XRN2: variants seen among roughly 807,000 people sequenced by gnomAD.
XRN2 encodes the protein DHM1-like protein.
XRN2 carries 44 observed loss-of-function variants against 138.5 expected under a neutral mutation model. The ratio of observed to expected loss-of-function variants is 0.32; its 90% confidence interval spans 0.25 to 0.41. The LOEUF is 0.41. XRN2 is among the 10% of genes least tolerant of loss of function. XRN2 has a pLI of 1.00. For missense variants in XRN2, 937 were observed against 1,169.3 expected (o/e 0.80, Z 2.90); for synonymous variants, 354 against 369.4 (o/e 0.96, Z 0.48).
At position 21,355,177 on chromosome 20, in the gene XRN2, C is replaced by T. The variant is rs575770923; in HGVS notation, c.2020+305C>T. Reference sequence around the variant, plus strand: ...CATGCACACACGAAAGTATCTTTTGCCTGTTGGGAAGATATTATTCATTTT... The same window carrying T: ...CATGCACACACGAAAGTATCTTTTGTCTGTTGGGAAGATATTATTCATTTT... On this transcript the variant is annotated intron_variant, in intron 21 of 29. Transcript: ENST00000377191. Among the ~76,000 whole-genome samples, 197 of 152,240 alleles carry T rather than the reference C, an allele frequency of 1.3e-3. 1 individual carries two copies. The highest frequency in any genetic ancestry group is 2.3e-3 in the Non-Finnish European group (157 of 67,996).
chr20:21,350,253 G>A (rs1373589096), intron 20 of XRN2, among the ~76,000 whole-genome samples: 2 of 152,014 alleles, frequency 1.3e-5, no homozygotes, highest in South Asian at 2.1e-4. Flanking sequence ...TTGGCCGGGC[G>A]CAGTGGCTCG....
rs140140872 is a variant in XRN2 at position 21,359,253 on chromosome 20, C to T, written c.2255+1461C>T. On this transcript the variant is annotated intron_variant, in intron 24 of 29. Coordinates refer to ENST00000377191, the MANE Select transcript of XRN2 (RefSeq NM_012255.5). ...AGATTATTAAATTTATAAAACAGGC[C>T]GGGCGCGGTGGCTCACACCTGTAAT... is the stretch of plus-strand genomic sequence containing the variant. 2.1e-3 allele frequency among the ~76,000 whole-genome samples: 322 copies of T among 152,066 alleles called. 1 individual carries two copies. The highest frequency in any genetic ancestry group is 7.5e-3 in the African/African-American group (312 of 41,474).
chr20:21,331,399 TCACACACACACACACA>T (rs71806398), intron 6 of XRN2, among the ~76,000 whole-genome samples, 146 bp from the exon 7 acceptor site: 25 of 143,952 alleles, frequency 1.7e-4, no homozygotes, highest in Non-Finnish European at 2.7e-4. Context: ...TTGGTGTTTT[TCACACACACACACACA>T]CACACACACA....
At chr20:21,332,755 C>T (rs540604569) in intron 9 of XRN2, among the ~76,000 whole-genome samples, 1 of 152,228 alleles carries the variant, frequency 6.6e-6, no homozygotes, top group Non-Finnish European at 1.5e-5. Context: ...TGCACACACT[C>T]ATCCTTTCTA....
intron 1 of XRN2, among the ~76,000 whole-genome samples, chr20:21,312,740 G>A (rs2037900328): frequency 1.3e-5 from 2 of 151,708 alleles, no homozygotes; most frequent in Non-Finnish European, 2.9e-5. Context: ...CCAAATAACT[G>A]GGACAACCAG....
intron 13 of XRN2, among the ~76,000 whole-genome samples, chr20:21,335,575 G>A (rs1342827311): frequency 2.0e-5 from 3 of 152,178 alleles, no homozygotes; most frequent in African/African-American, 7.2e-5. Context: ...TTTATGTGAT[G>A]TCAAGAGTTT....
At position 21,348,336 on chromosome 20, in the gene XRN2, T is replaced by C; in HGVS notation, c.1774-5T>C. On this transcript the variant is annotated splice_polypyrimidine_tract_variant and splice_region_variant and intron_variant, in intron 18 of 29. Coordinates refer to ENST00000377191, the MANE Select transcript of XRN2 (RefSeq NM_012255.5). Reference sequence around the variant, plus strand: ...TTGGGTCTTTAATGTTTTTTCTTTTTTCAGTTTAAACCACTAGAACAACTT... The same window carrying C: ...TTGGGTCTTTAATGTTTTTTCTTTTCTCAGTTTAAACCACTAGAACAACTT... 6.2e-7 allele frequency: 1 copy of C among 1,613,070 alleles called. No homozygotes were observed. Among genetic ancestry groups the C allele is most frequent in the Non-Finnish European group, 8.5e-7 (1 of 1,179,728 alleles).
intron 1 of XRN2, among the ~76,000 whole-genome samples, chr20:21,318,644 T>G (rs1375257739): frequency 1.3e-5 from 2 of 152,152 alleles, no homozygotes; most frequent in Non-Finnish European, 2.9e-5. Flanking sequence ...TTTTGTATAT[T>G]GTGTCTTCAT....
At position 21,343,738 on chromosome 20, in the gene XRN2, A is replaced by T. The variant is rs528605218; in HGVS notation, c.1411-352A>T. Among the ~76,000 whole-genome samples the T allele has an allele frequency of 2.6e-5, 4 of 151,976 alleles. No homozygotes were observed. The South Asian group carries it at 8.3e-4, about 31-fold the overall frequency. On this transcript the variant is annotated intron_variant, in intron 15 of 29. Coordinates refer to ENST00000377191, the MANE Select transcript of XRN2 (RefSeq NM_012255.5). ...TTCCTAACAGGAATTGTTACAACTGATTGTCACAAATGATTGTGAACCACC... is the reference window on the plus strand; with the variant it reads ...TTCCTAACAGGAATTGTTACAACTGTTTGTCACAAATGATTGTGAACCACC...
chr20:21,339,213 C>CA, intron 14 of XRN2, 125 bp downstream of exon 14: 1 of 915,526 alleles, frequency 1.1e-6, no homozygotes. Context: ...AGTGTCCACC[C>CA]AGTTACCTTT....
chr20:21,352,281 A>T (rs1324276377), intron 20 of XRN2, among the ~76,000 whole-genome samples: 2 of 152,088 alleles, frequency 1.3e-5, no homozygotes, highest in Non-Finnish European at 2.9e-5. Flanking sequence ...GATAAACTAT[A>T]TCTGGATACG....
chr20:21,318,914 G>T (rs1050868680), intron 1 of XRN2, among the ~76,000 whole-genome samples: 1 of 152,222 alleles, frequency 6.6e-6, no homozygotes. Context: ...AGAAATATCT[G>T]TTAGGTCTCT....
At position 21,360,344 on chromosome 20, in the gene XRN2, C is replaced by T. The variant is rs1463465074; in HGVS notation, c.2255+2552C>T. ...CCTCCTGTTGTTTGGAGTGCTCTTC[C>T]TTTCTTTTCTCCACCTGCCCCATAG... On this transcript the variant is annotated intron_variant, in intron 24 of 29. Coordinates refer to ENST00000377191, the MANE Select transcript of XRN2 (RefSeq NM_012255.5). Among the ~76,000 whole-genome samples the T allele has an allele frequency of 2.0e-5, 3 of 152,124 alleles. No individual in the cohort carries two copies. In the East Asian group the frequency reaches 5.8e-4, roughly 29 times the overall value.
intron 4 of XRN2, among the ~76,000 whole-genome samples, chr20:21,329,806 T>C (rs1010374140): frequency 1.0e-4 from 14 of 140,192 alleles, no homozygotes; most frequent in African/African-American, 3.6e-4. Flanking sequence ...TTCATTTTTC[T>C]TAGGCACCTT....
chr20:21,350,474 C>G (rs535359131), intron 20 of XRN2, among the ~76,000 whole-genome samples: 1 of 118,240 alleles, frequency 8.5e-6, no homozygotes, highest in Admixed American at 1.3e-4. Context: ...TGCAGTGAGT[C>G]GAGATAGCAC....
intron 1 of XRN2, chr20:21,303,924 C>G: frequency 1.1e-6 from 1 of 922,254 alleles, no homozygotes; most frequent in Non-Finnish European, 1.3e-6. Flanking sequence ...GAATCCCTGG[C>G]GGCGACCTTT....
At position 21,363,391 on chromosome 20, in the gene XRN2, C is replaced by T. The variant is rs561829476; in HGVS notation, c.2256-2030C>T. On this transcript the variant is annotated intron_variant, in intron 24 of 29. Transcript: ENST00000377191. ...GCTTCAAAACACTTTATTTGCAAGT[C>T]TTGCTTTGTTACTTGACTTTTTATC... is the stretch of plus-strand genomic sequence containing the variant. Among the ~76,000 whole-genome samples, 5 of 152,312 alleles carry T rather than the reference C, an allele frequency of 3.3e-5. No individual in the cohort carries two copies. The South Asian group carries it at 1.0e-3, about 32-fold the overall frequency.
chr20:21,389,794 T>C lies in XRN2; in HGVS notation c.*456T>C, dbSNP rs1352742081. The stretch of plus-strand genomic sequence containing the variant: ...TCTTACAGAAATTTCTGAACTTTAG[T>C]AAAAAAAAATAAAGTTAAACTTTTA... On this transcript the variant is annotated 3_prime_UTR_variant, in exon 30 of 30. Transcript: ENST00000377191. 6.6e-6 allele frequency: 1 copy of C among 152,210 alleles called. No homozygotes were observed. The highest frequency in any genetic ancestry group is 1.5e-5 in the Non-Finnish European group (1 of 67,966). The allele number at this position is 152,210 out of a possible 1,614,324, so 9.4% of individuals were successfully genotyped here. A position where few individuals can be genotyped will look rare whatever the true frequency, so the allele number is the denominator to read the frequency against.
At chr20:21,352,985 G>A (rs1217628534) in intron 20 of XRN2, among the ~76,000 whole-genome samples, 2 of 151,786 alleles carry the variant, frequency 1.3e-5, no homozygotes, top group African/African-American at 4.8e-5. Context: ...TGGATGTAAG[G>A]CATTCCTTTC....
Sources: allele counts gnomAD v4.1 joint callset (sites outside exome capture counted in the v4.1 genomes callset), GRCh38; gene constraint gnomAD v4.1.1; transcripts MANE v1.5; gene names NCBI Gene and HGNC (gene_info 2026-07-23, HGNC 2026-07-21).